Variants in SLC67A1 observed in about 807,000 individuals in gnomAD.
The protein encoded by SLC67A1 is solute carrier family 67 member A1.
the SLC67A1 span, chr11:2,909,565 GC>G: frequency 6.6e-7 from 1 of 1,524,700 alleles, no homozygotes; most frequent in South Asian, 1.2e-5. Flanking sequence ...CAGCTCCCCC[GC>G]CCCGTCCCCA....
chr11:2,920,873 T>A, the SLC67A1 span: 2 of 152,236 alleles, frequency 1.3e-5, no homozygotes, highest in Non-Finnish European at 2.9e-5. Flanking sequence ...CGGCACTCAC[T>A]GTGAGCCCCT....
the SLC67A1 span, among the ~76,000 whole-genome samples, chr11:2,918,301 C>G: frequency 1.3e-3 from 199 of 152,402 alleles, 1 homozygote; most frequent in African/African-American, 4.3e-3. Context: ...AGGGTGGGCC[C>G]CCACGGGCAG....
the SLC67A1 span, chr11:2,921,790 C>T: frequency 3.8e-6 from 1 of 265,412 alleles, no homozygotes; most frequent in African/African-American, 2.3e-5. Flanking sequence ...CGAGCCCATC[C>T]CCGGGAGCAG....
At chr11:2,915,280 C>CGTGT in the SLC67A1 span, 2,991 of 927,484 alleles carry the variant, frequency 3.2e-3, 59 homozygotes, top group African/African-American at 0.045. Context: ...CAAGTTTGCC[C>CGTGT]GTGTGTGTGT....
chr11:2,906,106 G>A, the SLC67A1 span, among the ~76,000 whole-genome samples: 4 of 152,196 alleles, frequency 2.6e-5, no homozygotes, highest in Non-Finnish European at 4.4e-5. Flanking sequence ...GCAGCCAACA[G>A]ACACATGAGA....
the SLC67A1 span, chr11:2,918,090 C>T: frequency 6.2e-7 from 1 of 1,612,642 alleles, no homozygotes; most frequent in Non-Finnish European, 8.5e-7. Context: ...TCCAACTGCC[C>T]CACAGGTGAG....
At chr11:2,923,125 A>C in the SLC67A1 span, among the ~76,000 whole-genome samples, 3 of 152,066 alleles carry the variant, frequency 2.0e-5, no homozygotes, top group African/African-American at 7.2e-5. The surrounding 1 kb of genome is among the most constrained non-coding windows in gnomAD (Gnocchi z 6.5). Context: ...CCTGGGCCCG[A>C]TGTTATCCAG....
the SLC67A1 span, among the ~76,000 whole-genome samples, chr11:2,911,761 G>C: frequency 6.6e-6 from 1 of 152,174 alleles, no homozygotes; most frequent in South Asian, 2.1e-4. Context: ...GAGCAGCTCA[G>C]CACACATGCC....
chr11:2,909,927 G>A, the SLC67A1 span: 518 of 500,364 alleles, frequency 1.0e-3, 1 homozygote, highest in African/African-American at 9.9e-3. Context: ...TCCCAGTGCT[G>A]TCCGGGGCGC....
the SLC67A1 span, chr11:2,917,981 G>A: frequency 1.9e-3 from 3,069 of 1,610,068 alleles, 63 homozygotes; most frequent in South Asian, 0.03. Context: ...TGGCCTCTCC[G>A]TGCCAGGCGG....
At chr11:2,901,573 T>C in the SLC67A1 span, among the ~76,000 whole-genome samples, 6 of 152,186 alleles carry the variant, frequency 3.9e-5, no homozygotes, top group Non-Finnish European at 7.3e-5. Context: ...TTGGGCCAAG[T>C]GTGCGCAGCG....
chr11:2,903,877 G>T, the SLC67A1 span: 1 of 201,346 alleles, frequency 5.0e-6, no homozygotes, highest in East Asian at 1.1e-4. Context: ...CCTCAGAGAG[G>T]CTCTCCTTGC....
the SLC67A1 span, among the ~76,000 whole-genome samples, chr11:2,911,805 C>T: frequency 6.6e-6 from 1 of 152,184 alleles, no homozygotes; most frequent in African/African-American, 2.4e-5. Flanking sequence ...CACAGGTCCC[C>T]TCCTGTCCTC....
chr11:2,902,118 G>T, the SLC67A1 span: 1 of 152,256 alleles, frequency 6.6e-6, no homozygotes, highest in Non-Finnish European at 1.5e-5. Context: ...GCGGGGCAGG[G>T]GCGGGTCCTT....
the SLC67A1 span, among the ~76,000 whole-genome samples, chr11:2,918,273 T>C: frequency 6.6e-6 from 1 of 152,242 alleles, no homozygotes; most frequent in South Asian, 2.1e-4. Context: ...CCCTCTACAC[T>C]GCACACCTGC....
chr11:2,906,878 G>A, the SLC67A1 span, among the ~76,000 whole-genome samples: 1 of 117,644 alleles, frequency 8.5e-6, no homozygotes, highest in African/African-American at 3.2e-5. Context: ...AAAACAAAAA[G>A]AGAGAAAAGA....
the SLC67A1 span, among the ~76,000 whole-genome samples, chr11:2,914,280 C>T: frequency 6.6e-6 from 1 of 152,188 alleles, no homozygotes; most frequent in African/African-American, 2.4e-5. Context: ...GGGAAGCCAG[C>T]GTGCCCCTGC....
At chr11:2,918,050 G>T in the SLC67A1 span, 1 of 1,613,676 alleles carries the variant, frequency 6.2e-7, no homozygotes, top group Non-Finnish European at 8.5e-7. Flanking sequence ...GCTGCCAGAC[G>T]TCCCGAGGAT....
chr11:2,909,070 C>T, the SLC67A1 span: 1 of 880,840 alleles, frequency 1.1e-6, no homozygotes. Flanking sequence ...CGCCCAGGCG[C>T]CCCCGCCCTC....
Sources: allele counts gnomAD v4.1 joint callset (sites outside exome capture counted in the v4.1 genomes callset), GRCh38; gene constraint gnomAD v4.1.1; non-coding constraint Gnocchi (gnomAD v3.1); transcripts MANE v1.5; gene names NCBI Gene and HGNC (gene_info 2026-07-23, HGNC 2026-07-21).